Variants in CDH13 observed in about 807,000 individuals in gnomAD.
CDH13 encodes the protein cadherin-13.
In CDH13, 24 loss-of-function variants were observed where a neutral mutation model predicts 63.8. That is an observed-to-expected ratio of 0.38 (90% confidence interval 0.27 to 0.53). The LOEUF is 0.53. Ranked by LOEUF, CDH13 falls within the 20% of genes least tolerant of loss-of-function variation. CDH13 has a pLI of 0.85. For missense variants in CDH13, 1,049 were observed against 903.1 expected (o/e 1.16, Z -2.07); for synonymous variants, 503 against 355.3 (o/e 1.42, Z -4.67).
At chr16:83,451,804 C>T (rs1208275493) in intron 6 of CDH13, among the ~76,000 whole-genome samples, 2 of 152,254 alleles carry the variant, frequency 1.3e-5, no homozygotes, top group Non-Finnish European at 2.9e-5. Flanking sequence ...AGGCATGTGC[C>T]ACACGATGCC....
chr16:82,930,488 T>A (rs1421716149), intron 2 of CDH13, among the ~76,000 whole-genome samples: 2 of 152,168 alleles, frequency 1.3e-5, no homozygotes, highest in African/African-American at 4.8e-5. Context: ...AGTAACTTTA[T>A]GGTTTGTATA....
rs1032402277 is a variant in CDH13, at chr16:83,126,496, G to C, written c.483+995G>C. 1.6e-4 allele frequency among the ~76,000 whole-genome samples: 25 copies of C among 152,272 alleles called. No homozygotes were observed. The South Asian group carries it at 1.9e-3, about 11-fold the overall frequency. On this transcript the variant is annotated intron_variant, in intron 4 of 13. Transcript: ENST00000567109. ...AGTTTCATTGGGAAGAGCTGTTTTG[G>C]CTGGAGGGGCAGTTTACAGAATGGG... is the stretch of plus-strand genomic sequence containing the variant.
intron 2 of CDH13, among the ~76,000 whole-genome samples, chr16:82,923,860 C>G (rs2042229131): frequency 6.6e-6 from 1 of 152,066 alleles, no homozygotes; most frequent in Non-Finnish European, 1.5e-5. Context: ...GAGAAAATTC[C>G]TAGGTTGGGA....
At chr16:83,207,091 A>G (rs1301048749) in intron 4 of CDH13, among the ~76,000 whole-genome samples, 1 of 152,252 alleles carries the variant, frequency 6.6e-6, no homozygotes. Flanking sequence ...TGGCCTACAA[A>G]GAGAAAATAC....
At chr16:83,353,418 T>C (rs928751724) in intron 6 of CDH13, among the ~76,000 whole-genome samples, 1 of 152,236 alleles carries the variant, frequency 6.6e-6, no homozygotes, top group Non-Finnish European at 1.5e-5. Flanking sequence ...ATGGGCACCA[T>C]TGCACATGTT....
chr16:82,786,635 C>G (rs942110875), intron 1 of CDH13, among the ~76,000 whole-genome samples: 1 of 150,380 alleles, frequency 6.6e-6, no homozygotes. Flanking sequence ...AGGTATATCT[C>G]CTAATGCTAT....
At chr16:83,128,432 GCA>G (rs1330486138) in intron 4 of CDH13, among the ~76,000 whole-genome samples, 2 of 152,184 alleles carry the variant, frequency 1.3e-5, no homozygotes, top group Non-Finnish European at 2.9e-5. Context: ...TGATTGTGAT[GCA>G]CACTCAAATT....
At chr16:83,450,268 GC>G in intron 6 of CDH13, among the ~76,000 whole-genome samples, 1 of 152,310 alleles carries the variant, frequency 6.6e-6, no homozygotes, top group South Asian at 2.1e-4. Context: ...CTTAGGCTCT[GC>G]CCCTCAAAAG....
chr16:83,531,314 C>T (rs1349468994), intron 7 of CDH13, among the ~76,000 whole-genome samples: 1 of 152,178 alleles, frequency 6.6e-6, no homozygotes, highest in Non-Finnish European at 1.5e-5. Flanking sequence ...GGCCTGAAGG[C>T]AGCACAGTAT....
At chr16:83,033,957 C>T (rs1238155768) in intron 3 of CDH13, among the ~76,000 whole-genome samples, 1 of 152,086 alleles carries the variant, frequency 6.6e-6, no homozygotes, top group African/African-American at 2.4e-5. Context: ...TAGCCACATC[C>T]CTGCTTGATC....
chr16:83,244,692 C>A (rs535115557), intron 5 of CDH13, among the ~76,000 whole-genome samples: 5 of 152,244 alleles, frequency 3.3e-5, no homozygotes, highest in African/African-American at 7.2e-5. Context: ...AGATTCCAAG[C>A]AAAATCAGCA....
At chr16:82,812,182 C>T (rs916783676) in intron 1 of CDH13, among the ~76,000 whole-genome samples, 3 of 152,148 alleles carry the variant, frequency 2.0e-5, no homozygotes, top group African/African-American at 7.2e-5. Context: ...TGGCAGATGG[C>T]CCCTCTTCGA....
At chr16:83,139,571 G>T (rs535537000) in intron 4 of CDH13, among the ~76,000 whole-genome samples, 1 of 152,104 alleles carries the variant, frequency 6.6e-6, no homozygotes, top group East Asian at 1.9e-4. Flanking sequence ...TTTGTTATTT[G>T]CATCTGGAAA....
At chr16:82,790,039 G>C (rs1366575195) in intron 1 of CDH13, among the ~76,000 whole-genome samples, 1 of 152,112 alleles carries the variant, frequency 6.6e-6, no homozygotes, top group Non-Finnish European at 1.5e-5. Context: ...TTCTTACCTA[G>C]ATATTCTGGT....
intron 3 of CDH13, among the ~76,000 whole-genome samples, chr16:83,071,092 T>C (rs1222626625): frequency 2.6e-5 from 4 of 152,036 alleles, no homozygotes; most frequent in Non-Finnish European, 5.9e-5. Context: ...TGCCTCTTAC[T>C]GTGATTTATT....
rs2039569168 is a variant in CDH13 at position 83,217,411 on chromosome 16, C to A, written c.550C>A (p.Pro184Thr). 1 of 1,613,816 alleles carries A rather than the reference C, an allele frequency of 6.2e-7. No individual in the cohort carries two copies. The highest frequency in any genetic ancestry group is 8.5e-7 in the Non-Finnish European group (1 of 1,179,814). The change falls in exon 5 of 14, where the codon CCT becomes ACT. Residue 184 changes from proline (P) to threonine (T), a missense_variant. Physicochemically the swap from Pro to Thr is conservative, Grantham distance 38. Transcript: ENST00000567109. ...RLTGKGVDQE[P>T]KGIFRINENT... ...CACTGGAAAGGGAGTGGATCAAGAG[C>A]CTAAAGGAATTTTCAGAATCAATGA... is the stretch of plus-strand genomic sequence containing the variant.
At chr16:83,524,445 CTTTTTTTTTTTTTT>C (rs150233410) in intron 7 of CDH13, among the ~76,000 whole-genome samples, 2 of 59,278 alleles carry the variant, frequency 3.4e-5, no homozygotes, top group Non-Finnish European at 5.8e-5. Context: ...TTTCTTTTTT[CTTTTTTTTTTTTTT>C]TTTTTTTTTT....
chr16:82,743,711 G>C (rs1187013268), intron 1 of CDH13, among the ~76,000 whole-genome samples: 1 of 152,188 alleles, frequency 6.6e-6, no homozygotes. Context: ...AACATGTCAA[G>C]TGTTGCTTGT....
At chr16:83,356,498 C>G (rs868040740) in intron 6 of CDH13, among the ~76,000 whole-genome samples, 4 of 152,110 alleles carry the variant, frequency 2.6e-5, no homozygotes, top group South Asian at 2.1e-4. Flanking sequence ...TGATAATCAG[C>G]AGGGAGCTTG....
Sources: gnomAD v4.1 joint callset for allele counts (sites outside exome capture counted in the v4.1 genomes callset) on GRCh38, gnomAD v4.1.1 for gene constraint, MANE v1.5 for transcripts, NCBI Gene and HGNC (gene_info 2026-07-23, HGNC 2026-07-21) for gene names.